Variants in SEPHS1 observed in about 807,000 individuals in gnomAD.
The protein encoded by SEPHS1 is selenophosphate synthetase 1.
A neutral mutation model predicts 39.2 loss-of-function variants in SEPHS1; 7 were observed. The ratio of observed to expected loss-of-function variants is 0.18; its 90% CI spans 0.10 to 0.34. The LOEUF (loss-of-function observed/expected upper bound fraction) is 0.34, where lower values mean the gene tolerates loss of function less well. Ranked by LOEUF, SEPHS1 falls within the 10% of genes least tolerant of loss-of-function variation. The pLI, the probability that SEPHS1 is intolerant of heterozygous loss-of-function variation, is 1.00. For missense variants in SEPHS1, 253 were observed against 514.5 expected, an observed-to-expected ratio of 0.49 and a Z score of 4.92; for synonymous variants, 190 against 195.5, an observed-to-expected ratio of 0.97 and a Z score of 0.23.
intron 3 of SEPHS1, among the ~76,000 whole-genome samples, chr10:13,337,240 TAAA>T (rs1304528307): frequency 2.0e-5 from 3 of 151,794 alleles, no homozygotes; most frequent in African/African-American, 4.8e-5. Context: ...AAGAAACAAA[TAAA>T]AAAATACCCA....
intron 3 of SEPHS1, among the ~76,000 whole-genome samples, chr10:13,336,804 G>A (rs947578274): frequency 1.5e-5 from 2 of 133,598 alleles, no homozygotes; most frequent in African/African-American, 5.1e-5. Flanking sequence ...AAAATGGCTG[G>A]CTTTAGTGGT....
Position 13,336,273 on chromosome 10 carries a change from G to C in SEPHS1, c.375C>G (p.Leu125=), listed in dbSNP as rs62641683. ...CGGTCATTTTATTACTGACTCCAAG[G>C]AGCATCAGCATATTGTCACATTCCG... The part of the protein sequence containing the change: ...GVTECDNMLM[L]LGVSNKMTDR... The change falls in exon 4 of 9, where the codon CTC becomes CTG. Residue 125 remains leucine (L), a synonymous_variant. Transcript: ENST00000327347. 0.016 allele frequency: 25,567 copies of C among 1,613,656 alleles called. 235 individuals carry two copies. Among genetic ancestry groups the C allele is most frequent in the Middle Eastern group, 0.02 (123 of 6,058 alleles).
chr10:13,323,152 G>GT (rs1447686466), intron 7 of SEPHS1, 105 bp from the exon 8 acceptor site: 2 of 880,720 alleles, frequency 2.3e-6, no homozygotes, highest in Admixed American at 2.2e-5. Flanking sequence ...GGGAGATGAC[G>GT]TATCGGAATA....
rs1262166406 is a variant in SEPHS1, at chr10:13,348,087, C to G, written c.-166G>C. The G allele has an allele frequency of 2.0e-5, 3 of 147,238 alleles. No homozygotes were observed. The highest frequency in any genetic ancestry group is 7.4e-5 in the African/African-American group (3 of 40,706). 9.1% of individuals were successfully genotyped at this position (147,238 alleles called of 1,614,324 possible). On this transcript the variant is annotated 5_prime_UTR_variant, in exon 1 of 9. Transcript: ENST00000327347. ...CCGGGCGCGGCCGGGCTCCCTTAAGCGTCGCCTGAATAAAAATGCCGCGCC... is the reference window on the plus strand; with the variant it reads ...CCGGGCGCGGCCGGGCTCCCTTAAGGGTCGCCTGAATAAAAATGCCGCGCC...
chr10:13,321,112 C>CT (rs1243152706), intron 8 of SEPHS1, among the ~76,000 whole-genome samples: 1 of 152,160 alleles, frequency 6.6e-6, no homozygotes, highest in Non-Finnish European at 1.5e-5. Context: ...GTGACCAGGG[C>CT]TTTGTGGTCC....
intron 5 of SEPHS1, among the ~76,000 whole-genome samples, chr10:13,332,367 C>T (rs772896685): frequency 3.9e-5 from 6 of 152,096 alleles, no homozygotes; most frequent in Non-Finnish European, 8.8e-5. Context: ...AGGATGGGAG[C>T]AGGAGGGAAA....
chr10:13,339,868 T>C (rs1833738379), intron 2 of SEPHS1, among the ~76,000 whole-genome samples: 1 of 152,150 alleles, frequency 6.6e-6, no homozygotes, highest in African/African-American at 2.4e-5. Context: ...GATGCAACCA[T>C]CCACTTCTTT....
At chr10:13,339,459 T>G (rs1833727557) in intron 2 of SEPHS1, among the ~76,000 whole-genome samples, 1 of 152,168 alleles carries the variant, frequency 6.6e-6, no homozygotes, top group Non-Finnish European at 1.5e-5. Context: ...ACGCTACTCC[T>G]TGTCTTGGAG....
intron 7 of SEPHS1, among the ~76,000 whole-genome samples, chr10:13,323,423 C>G (rs915953092): frequency 6.6e-6 from 1 of 151,978 alleles, no homozygotes; most frequent in Non-Finnish European, 1.5e-5. Context: ...CGTACGATCT[C>G]GGCTCACTGC....
chr10:13,333,255 T>A (rs1833522509), intron 5 of SEPHS1, among the ~76,000 whole-genome samples: 1 of 151,738 alleles, frequency 6.6e-6, no homozygotes. Flanking sequence ...TGCCTCAGCC[T>A]CCCAAGTAGC....
intron 7 of SEPHS1, among the ~76,000 whole-genome samples, chr10:13,327,144 G>C (rs117281611): frequency 6.7e-6 from 1 of 149,244 alleles, no homozygotes; most frequent in Non-Finnish European, 1.5e-5. Context: ...GGAAGGCTGA[G>C]GCAACAGAAC....
rs576920064 is a variant in SEPHS1 at position 13,317,639 on chromosome 10, C to G, written c.*1503G>C. ...GCCCACTGGTTCCTGGAGGAGGGCG[C>G]GTCCGAGTTAAAGCCTCTTCCAGGA... On this transcript the variant is annotated 3_prime_UTR_variant, in exon 9 of 9. Transcript: ENST00000327347. The G allele has an allele frequency of 2.0e-5, 3 of 152,172 alleles. No homozygotes were observed. Among genetic ancestry groups the G allele is most frequent in the African/African-American group, 7.2e-5 (3 of 41,424 alleles). 9.4% of individuals were successfully genotyped at this position (152,172 alleles called of 1,614,324 possible).
At chr10:13,323,109 T>C in intron 7 of SEPHS1, 62 bp from the exon 8 acceptor site, 1 of 1,358,888 alleles carries the variant, frequency 7.4e-7, no homozygotes, top group Non-Finnish European at 1.0e-6. Flanking sequence ...AAATCTTACG[T>C]CCACAATTAA....
intron 6 of SEPHS1, 72 bp from the exon 7 acceptor site, chr10:13,328,522 G>C: frequency 9.6e-7 from 1 of 1,036,558 alleles, no homozygotes; most frequent in East Asian, 2.4e-5. Context: ...TAGCAACTGA[G>C]AAAAACAGCA....
Position 13,347,791 on chromosome 10 carries a change from CGGCGGCGCG to C in SEPHS1, c.-79+200_-79+208del, listed in dbSNP as rs1241584345. ...CTTCCCCGGCCCCGCGCGGCGGCGGCGGCGGCGCGGGCGGCGCTTCTTTTTTAAAGCGGC... is the reference window on the plus strand; with the variant it reads ...CTTCCCCGGCCCCGCGCGGCGGCGGCGGCGGCGCTTCTTTTTTAAAGCGGC... On this transcript the variant is annotated intron_variant, in intron 1 of 8. Coordinates refer to ENST00000327347, the MANE Select transcript of SEPHS1 (RefSeq NM_012247.5). 3.9e-4 allele frequency among the ~76,000 whole-genome samples: 51 copies of C among 129,658 alleles called. 1 individual carries two copies. The highest frequency in any genetic ancestry group is 5.7e-4 in the South Asian group (2 of 3,508). 85.1% of individuals were successfully genotyped at this position (129,658 alleles called of 152,430 possible).
chr10:13,345,674 G>C (rs1221130061), intron 1 of SEPHS1, among the ~76,000 whole-genome samples: 2 of 152,106 alleles, frequency 1.3e-5, no homozygotes, highest in African/African-American at 2.4e-5. Flanking sequence ...CCTGAAGTCA[G>C]GACACAAGCC....
At chr10:13,320,580 G>A (rs976750097) in intron 8 of SEPHS1, among the ~76,000 whole-genome samples, 5 of 151,670 alleles carry the variant, frequency 3.3e-5, no homozygotes, top group East Asian at 2.0e-4. Flanking sequence ...TGGGTCACAC[G>A]TGTAATCCCA....
intron 6 of SEPHS1, among the ~76,000 whole-genome samples, 200 bp from the exon 7 acceptor site, chr10:13,328,650 T>C (rs1274549294): frequency 6.6e-6 from 1 of 152,250 alleles, no homozygotes; most frequent in African/African-American, 2.4e-5. Flanking sequence ...GCGTCTTTTC[T>C]GTTCTCATCC....
At chr10:13,334,116 G>C in intron 4 of SEPHS1, 145 bp from the exon 5 acceptor site, 1 of 720,628 alleles carries the variant, frequency 1.4e-6, no homozygotes, top group Non-Finnish European at 2.2e-6. Context: ...GGTTGTTAGG[G>C]GCCAGGCATA....
Sources: allele counts gnomAD v4.1 joint callset (sites outside exome capture counted in the v4.1 genomes callset), GRCh38; gene constraint gnomAD v4.1.1; transcripts MANE v1.5; gene names NCBI Gene and HGNC (gene_info 2026-07-23, HGNC 2026-07-21).